The following CACNA1S variants were observed in gnomAD, a reference collection of about 807,000 sequenced individuals.
The protein encoded by CACNA1S is voltage-dependent L-type calcium channel subunit alpha-1S.
In CACNA1S, 126 loss-of-function variants were observed where a neutral mutation model predicts 207.4. That is an observed-to-expected ratio of 0.61 (90% CI 0.53 to 0.70). The LOEUF (loss-of-function observed/expected upper bound fraction) is 0.70, where lower values mean the gene tolerates loss of function less well. Ranked by LOEUF, CACNA1S falls within the 30% of genes least tolerant of loss-of-function variation. CACNA1S has a pLI of 0.00. For missense variants in CACNA1S, 2,349 were observed against 2,422.8 expected (o/e 0.97, Z 0.64); for synonymous variants, 960 against 932.7 (o/e 1.03, Z -0.53).
At chr1:201,102,656 T>C (rs1662721890) in intron 2 of CACNA1S, among the ~76,000 whole-genome samples, 1 of 152,184 alleles carries the variant, frequency 6.6e-6, no homozygotes, top group Admixed American at 6.5e-5. Context: ...TAGGTACTCT[T>C]ATCCCATTTT....
At chr1:201,059,400 C>A in intron 26 of CACNA1S, 101 bp from the exon 27 acceptor site, 2 of 714,742 alleles carry the variant, frequency 2.8e-6, no homozygotes, top group East Asian at 2.7e-5. Context: ...AAGCCCCCAA[C>A]CCTTTCTTGG....
At chr1:201,049,401 G>A (rs1660578385) in intron 34 of CACNA1S, among the ~76,000 whole-genome samples, 1 of 152,202 alleles carries the variant, frequency 6.6e-6, no homozygotes, top group Non-Finnish European at 1.5e-5. Flanking sequence ...TCTTTCTTAG[G>A]TTTTGGTCAA....
Position 201,053,522 on chromosome 1 carries a change from G to A in CACNA1S, c.3732C>T (p.Ile1244=). 1 of 1,614,148 alleles carries A rather than the reference G, an allele frequency of 6.2e-7. No homozygotes were observed. The highest frequency in any genetic ancestry group is 8.5e-7 in the Non-Finnish European group (1 of 1,180,018). ...CTCCTTCTGCCCGGCTCAGCAGCTTGATCAGCCTCATGACACGGAACAGGC... is the reference window on the plus strand; with the variant it reads ...CTCCTTCTGCCCGGCTCAGCAGCTTAATCAGCCTCATGACACGGAACAGGC... ...FFRLFRVMRL[I]KLLSRAEGVR... Residue 1244 remains isoleucine, a synonymous_variant, in exon 30 of 44, where the codon ATC becomes ATT. Coordinates refer to ENST00000362061, the MANE Select transcript of CACNA1S (RefSeq NM_000069.3). This position sits in a 1 kb window ranked among gnomAD's most constrained non-coding sequence, Gnocchi z 5.1.
At chr1:201,087,606 T>C (rs967957118) in intron 7 of CACNA1S, among the ~76,000 whole-genome samples, 2 of 152,036 alleles carry the variant, frequency 1.3e-5, no homozygotes, top group African/African-American at 4.8e-5. Context: ...GGAAGCGCTC[T>C]TGGCCCAACT....
intron 28 of CACNA1S, among the ~76,000 whole-genome samples, chr1:201,055,182 G>A (rs1660796510): frequency 6.6e-6 from 1 of 152,196 alleles, no homozygotes; most frequent in African/African-American, 2.4e-5. Flanking sequence ...CACACTTCAT[G>A]AGAAGCCCTT....
rs747376751 is a variant in CACNA1S at position 201,083,171 on chromosome 1, G to A, written c.1384C>T (p.Arg462Cys). The change falls in exon 10 of 44, where the codon CGT (arginine) becomes TGT (cysteine). Residue 462 changes from arginine to cysteine, a missense_variant. Coordinates refer to ENST00000362061, the MANE Select transcript of CACNA1S (RefSeq NM_000069.3). Reference protein sequence around the residue: ...EHHNQPLWLTRLQDIANRVLL... With the variant: ...EHHNQPLWLTCLQDIANRVLL... ...CTCCGTTCCGCCTCACCTTGCAAAC[G>A]GGTCAGCCAGAGAGGCTGGTTGTGG... The A allele has an allele frequency of 5.0e-6, 8 of 1,613,808 alleles. No individual in the cohort carries two copies. Among genetic ancestry groups the A allele is most frequent in the Admixed American group, 1.7e-5 (1 of 60,012 alleles).
chr1:201,050,227 C>G (rs1329204965), intron 34 of CACNA1S, among the ~76,000 whole-genome samples, 162 bp downstream of exon 34: 3 of 152,128 alleles, frequency 2.0e-5, no homozygotes, highest in African/African-American at 7.2e-5. Context: ...AGGATTCCCT[C>G]CAACCTGGAG....
intron 2 of CACNA1S, among the ~76,000 whole-genome samples, chr1:201,108,022 A>G (rs186347350): frequency 7.9e-5 from 12 of 152,334 alleles, no homozygotes; most frequent in African/African-American, 2.9e-4. Context: ...CAAACTAAAG[A>G]AAAACATACA....
chr1:201,085,172 G>T, intron 8 of CACNA1S, 141 bp from the exon 9 acceptor site: 1 of 759,490 alleles, frequency 1.3e-6, no homozygotes, highest in Non-Finnish European at 2.3e-6. Context: ...ATTGCTTCGT[G>T]CTTTCCAGAG....
At chr1:201,046,911 A>G (rs1158048132) in intron 38 of CACNA1S, among the ~76,000 whole-genome samples, 1 of 152,188 alleles carries the variant, frequency 6.6e-6, no homozygotes, top group East Asian at 1.9e-4. Flanking sequence ...TCCAGAGATG[A>G]AGCGCCCTGG....
intron 3 of CACNA1S, among the ~76,000 whole-genome samples, chr1:201,093,097 GGTA>G (rs1201716528): frequency 1.3e-5 from 2 of 152,316 alleles, no homozygotes; most frequent in East Asian, 1.9e-4. Context: ...ATCATTACGT[GGTA>G]GTTACTCATG....
chr1:201,097,735 G>A (rs1572067249), intron 2 of CACNA1S, among the ~76,000 whole-genome samples: 1 of 152,134 alleles, frequency 6.6e-6, no homozygotes, highest in Admixed American at 6.5e-5. Context: ...TGGGGGCCAG[G>A]GTCACTCTCC....
intron 38 of CACNA1S, among the ~76,000 whole-genome samples, chr1:201,046,019 GAGCACAGC>G (rs1270077172): frequency 2.0e-5 from 3 of 151,946 alleles, no homozygotes; most frequent in Non-Finnish European, 4.4e-5. Context: ...ATAAATTTTT[GAGCACAGC>G]TCAAATGCAT....
chr1:201,103,787 G>A (rs1330349582), intron 2 of CACNA1S, among the ~76,000 whole-genome samples: 3 of 152,162 alleles, frequency 2.0e-5, no homozygotes, highest in Admixed American at 6.5e-5. Context: ...ACAAGAGTTG[G>A]CGAGCGCATT....
intron 2 of CACNA1S, among the ~76,000 whole-genome samples, chr1:201,100,704 G>A (rs567507328): frequency 6.6e-6 from 1 of 152,178 alleles, no homozygotes; most frequent in Non-Finnish European, 1.5e-5. Context: ...GCATGCTCAG[G>A]GTGAAGGGGG....
chr1:201,043,171 G>C, intron 40 of CACNA1S, 110 bp downstream of exon 40: 1 of 1,442,746 alleles, frequency 6.9e-7, no homozygotes, highest in Non-Finnish European at 9.7e-7. Flanking sequence ...ACAAAGGCAA[G>C]CAAAAGACAC....
intron 19 of CACNA1S, 62 bp downstream of exon 19, chr1:201,069,075 T>C: frequency 7.1e-7 from 1 of 1,418,024 alleles, no homozygotes; most frequent in Non-Finnish European, 1.0e-6. Context: ...GTTCAGTGTG[T>C]GTAAACTGGA....
intron 2 of CACNA1S, among the ~76,000 whole-genome samples, chr1:201,100,160 G>C (rs1662593717): frequency 6.6e-6 from 1 of 152,242 alleles, no homozygotes; most frequent in East Asian, 1.9e-4. Flanking sequence ...ATGGAAAGTT[G>C]GTTCACAGGA....
At chr1:201,045,106 T>C (rs1428691242) in intron 38 of CACNA1S, among the ~76,000 whole-genome samples, 1 of 152,186 alleles carries the variant, frequency 6.6e-6, no homozygotes, top group African/African-American at 2.4e-5. Context: ...CATATATATA[T>C]AGTTGAGCAA....
Sources: allele counts gnomAD v4.1 joint callset (sites outside exome capture counted in the v4.1 genomes callset), GRCh38; gene constraint gnomAD v4.1.1; non-coding constraint Gnocchi (gnomAD v3.1); transcripts MANE v1.5; gene names NCBI Gene and HGNC (gene_info 2026-07-23, HGNC 2026-07-21).